Variants in CHST11 observed in about 807,000 individuals in gnomAD.
CHST11 encodes the protein C4S-1.
Under a neutral mutation model 30.4 loss-of-function variants are expected in CHST11, and 9 were observed. The ratio of observed to expected loss-of-function variants is 0.30; its 90% CI spans 0.18 to 0.52. The LOEUF (loss-of-function observed/expected upper bound fraction) is 0.52, where lower values mean the gene tolerates loss of function less well. Among genes scored for constraint, CHST11 ranks in the 20% least tolerant of loss-of-function variants. CHST11 has a pLI of 0.97. For synonymous variants in CHST11, 152 were observed against 187.8 expected (o/e 0.81, Z 1.56); for missense variants, 348 against 460.6 (o/e 0.76, Z 2.24).
chr12:104,479,633 G>A (rs2037599119), intron 1 of CHST11, among the ~76,000 whole-genome samples: 1 of 152,260 alleles, frequency 6.6e-6, no homozygotes, highest in African/African-American at 2.4e-5. Flanking sequence ...GAGGCAAGAG[G>A]TAAAAAATAT....
chr12:104,648,430 T>C (rs2039457080), intron 2 of CHST11, among the ~76,000 whole-genome samples: 1 of 152,138 alleles, frequency 6.6e-6, no homozygotes, highest in African/African-American at 2.4e-5. Context: ...CCTGAAGGGA[T>C]GGTCATCGTG....
chr12:104,532,145 C>T (rs200599619), intron 1 of CHST11, among the ~76,000 whole-genome samples: 2 of 152,222 alleles, frequency 1.3e-5, no homozygotes, highest in African/African-American at 2.4e-5. Context: ...CCCCACGAAT[C>T]GGCTTTCATG....
intron 2 of CHST11, among the ~76,000 whole-genome samples, chr12:104,638,743 C>T (rs2039348394): frequency 6.6e-6 from 1 of 152,212 alleles, no homozygotes; most frequent in Non-Finnish European, 1.5e-5. Context: ...TGAATATGTG[C>T]AGCTTACCTA....
intron 1 of CHST11, among the ~76,000 whole-genome samples, chr12:104,480,123 C>T (rs1215212320): frequency 6.6e-6 from 1 of 152,176 alleles, no homozygotes; most frequent in East Asian, 1.9e-4. Context: ...TTGGTCAGTG[C>T]TCTGAGCCCC....
At chr12:104,584,275 T>TTC (rs1555234073) in intron 1 of CHST11, among the ~76,000 whole-genome samples, 13 of 150,988 alleles carry the variant, frequency 8.6e-5, no homozygotes, top group South Asian at 4.2e-4. Context: ...TTTTTTTTTT[T>TTC]TCACAGCGTC....
intron 2 of CHST11, among the ~76,000 whole-genome samples, chr12:104,752,081 AG>A (rs1326544290): frequency 6.6e-6 from 1 of 152,220 alleles, no homozygotes; most frequent in Non-Finnish European, 1.5e-5. Flanking sequence ...ATTCTCTCAC[AG>A]TCCTGGAAGC....
chr12:104,632,842 T>C (rs1242724014), intron 2 of CHST11, among the ~76,000 whole-genome samples: 5 of 152,198 alleles, frequency 3.3e-5, no homozygotes, highest in African/African-American at 4.8e-5. Flanking sequence ...GGTTTCCCAG[T>C]ACACTGAAGC....
intron 2 of CHST11, among the ~76,000 whole-genome samples, chr12:104,653,512 C>T (rs2039513920): frequency 6.6e-6 from 1 of 152,120 alleles, no homozygotes; most frequent in Non-Finnish European, 1.5e-5. Context: ...CATGGAGGGG[C>T]AGTATGAGTG....
intron 1 of CHST11, among the ~76,000 whole-genome samples, chr12:104,496,183 C>T (rs961397297): frequency 6.6e-6 from 1 of 152,124 alleles, no homozygotes; most frequent in Non-Finnish European, 1.5e-5. Flanking sequence ...AGTTTGGTTT[C>T]TATTCCAAAT....
Position 104,570,693 on chromosome 12 carries a change from CT to C in CHST11, c.119-31198del, listed in dbSNP as rs55750051. Among the ~76,000 whole-genome samples the C allele has an allele frequency of 4.6e-3, 650 of 141,296 alleles. 5 individuals carry two copies. The highest frequency in any genetic ancestry group is 0.013 in the African/African-American group (520 of 38,612). 92.7% of individuals were successfully genotyped at this position (141,296 alleles called of 152,430 possible). On this transcript the variant is annotated intron_variant, in intron 1 of 2. Transcript: ENST00000303694. ...GTTTCAGTATATGTAAGCCACTGCA[CT>C]TTTTTTTTTTTTTTGAGACTGAGTC...
At chr12:104,528,953 A>G (rs2038154754) in intron 1 of CHST11, among the ~76,000 whole-genome samples, 1 of 152,242 alleles carries the variant, frequency 6.6e-6, no homozygotes, top group African/African-American at 2.4e-5. Context: ...GTAGAAATTC[A>G]GTAAACACAC....
At chr12:104,614,150 T>C (rs1566008569) in intron 2 of CHST11, among the ~76,000 whole-genome samples, 1 of 152,262 alleles carries the variant, frequency 6.6e-6, no homozygotes, top group Non-Finnish European at 1.5e-5. Flanking sequence ...CATCATGTTG[T>C]ATACCATGAA....
Position 104,758,994 on chromosome 12 carries a change from A to T in CHST11, c.*1191A>T, listed in dbSNP as rs2040502561. 6.6e-6 allele frequency: 1 copy of T among 151,962 alleles called. No homozygotes were observed. Among genetic ancestry groups the T allele is most frequent in the South Asian group, 2.1e-4 (1 of 4,824 alleles). 9.4% of individuals were successfully genotyped at this position (151,962 alleles called of 1,614,324 possible). On this transcript the variant is annotated 3_prime_UTR_variant, in exon 3 of 3. Transcript: ENST00000303694. ...CTGCCTTGGGTGAGGAAAGGGGAAC[A>T]CTCCTCAAGTGCCTCCTACTGTCAT... is the stretch of plus-strand genomic sequence containing the variant.
At chr12:104,651,614 C>T (rs1465933585) in intron 2 of CHST11, among the ~76,000 whole-genome samples, 2 of 152,208 alleles carry the variant, frequency 1.3e-5, no homozygotes, top group Non-Finnish European at 2.9e-5. Context: ...GGTCACTCCT[C>T]CTTTGTGCCT....
intron 1 of CHST11, among the ~76,000 whole-genome samples, chr12:104,508,061 C>T (rs893960054): frequency 6.6e-6 from 1 of 152,196 alleles, no homozygotes; most frequent in African/African-American, 2.4e-5. Flanking sequence ...GACAGAGGAT[C>T]CTCACTGGTC....
At chr12:104,623,449 G>A (rs958736403) in intron 2 of CHST11, among the ~76,000 whole-genome samples, 11 of 152,218 alleles carry the variant, frequency 7.2e-5, no homozygotes, top group African/African-American at 1.9e-4. Context: ...AGTGGCTCAC[G>A]CCTGTAATCC....
intron 1 of CHST11, among the ~76,000 whole-genome samples, chr12:104,566,380 G>A (rs952870909): frequency 2.6e-5 from 4 of 151,978 alleles, no homozygotes; most frequent in African/African-American, 9.7e-5. Flanking sequence ...GTGGGGGGGC[G>A]GTCTGCCTAC....
chr12:104,480,577 CAAAAA>C (rs58063092), intron 1 of CHST11, among the ~76,000 whole-genome samples: 6 of 112,682 alleles, frequency 5.3e-5, no homozygotes, highest in Admixed American at 8.9e-5. Flanking sequence ...GATTCCATCT[CAAAAA>C]AAAAAAAAAA....
At chr12:104,679,637 A>G (rs554605561) in intron 2 of CHST11, among the ~76,000 whole-genome samples, 2 of 152,284 alleles carry the variant, frequency 1.3e-5, no homozygotes, top group Admixed American at 6.5e-5. Context: ...TGGCCTGAAC[A>G]TACTGGGGCC....
Sources: gnomAD v4.1 joint callset for allele counts (sites outside exome capture counted in the v4.1 genomes callset) on GRCh38, gnomAD v4.1.1 for gene constraint, MANE v1.5 for transcripts, NCBI Gene and HGNC (gene_info 2026-07-23, HGNC 2026-07-21) for gene names.